Variants in ALX4 observed in about 807,000 individuals in gnomAD.
ALX4 encodes homeobox protein aristaless-like 4.
In ALX4, 22 loss-of-function variants were observed where a neutral mutation model predicts 40.6. The ratio of observed to expected loss-of-function variants is 0.54; its 90% confidence interval spans 0.39 to 0.77. The LOEUF is 0.77. Ranked by LOEUF, ALX4 falls within the 30% of genes least tolerant of loss-of-function variation. The pLI is 0.00. For synonymous variants in ALX4, 266 were observed against 240.5 expected (o/e 1.11, Z -0.98); for missense variants, 556 against 564.8 (o/e 0.98, Z 0.16).
intron 1 of ALX4, among the ~76,000 whole-genome samples, chr11:44,304,675 A>G (rs1433034676): frequency 6.6e-6 from 1 of 152,064 alleles, no homozygotes; most frequent in African/African-American, 2.4e-5. Context: ...ATATATTTCC[A>G]TTTCTTATTT....
chr11:44,295,593 T>C (rs1373319382), intron 1 of ALX4, among the ~76,000 whole-genome samples: 1 of 152,216 alleles, frequency 6.6e-6, no homozygotes, highest in Non-Finnish European at 1.5e-5. Flanking sequence ...TGCCATTCAC[T>C]GGATGGCCTA....
chr11:44,264,678 C>T lies in ALX4; in HGVS notation c.*176G>A, dbSNP rs750475916. ...AGGGAGGGGCCAGGGGCCTGCTGCC[C>T]CCTCCCTCCCAGCAGTCCACGGGGC... is the stretch of plus-strand genomic sequence containing the variant. On this transcript the variant is annotated 3_prime_UTR_variant, in exon 4 of 4. Coordinates refer to ENST00000652299, the MANE Select transcript of ALX4 (RefSeq NM_021926.4). 1 of 701,356 alleles carries T rather than the reference C, an allele frequency of 1.4e-6. No individual in the cohort carries two copies. Among genetic ancestry groups the T allele is most frequent in the Non-Finnish European group, 2.3e-6 (1 of 429,002 alleles). The allele number at this position is 701,356 out of a possible 1,614,324, so 43.4% of individuals were successfully genotyped here. A position where few individuals can be genotyped will look rare whatever the true frequency, so the allele number is the denominator to read the frequency against.
chr11:44,301,091 C>T (rs969675618), intron 1 of ALX4, among the ~76,000 whole-genome samples: 6 of 152,236 alleles, frequency 3.9e-5, no homozygotes, highest in African/African-American at 1.4e-4. Context: ...CAGAGCTTCC[C>T]AGAATACCCC....
rs1415313801 is a variant in ALX4, at chr11:44,309,682, G to T, written c.381C>A (p.Gly127=). The change falls in exon 1 of 4, where the codon GGC becomes GGA. Residue 127 remains glycine, a synonymous_variant. Coordinates refer to ENST00000652299, the MANE Select transcript of ALX4 (RefSeq NM_021926.4). ...TGCCGTCCGGGGGCGTCTTGCAGGC[G>T]CCTCGCTGCAAGTAAAGATGCGGTT... is the stretch of plus-strand genomic sequence containing the variant. ...PAQPHLYLQR[G]ACKTPPDGSL... 3.1e-6 allele frequency: 5 copies of T among 1,590,784 alleles called. No individual in the cohort carries two copies. Among genetic ancestry groups the T allele is most frequent in the South Asian group, 2.3e-5 (2 of 88,850 alleles).
rs1956496216 is a variant in ALX4, at chr11:44,309,787, G to T, written c.276C>A (p.Pro92=). The T allele has an allele frequency of 2.6e-6, 4 of 1,549,596 alleles. No individual in the cohort carries two copies. In the East Asian group the frequency reaches 9.8e-5, roughly 38 times the overall value. Residue 92 remains proline (P), a synonymous_variant, in exon 1 of 4, where the codon CCC becomes CCA. Coordinates refer to ENST00000652299, the MANE Select transcript of ALX4 (RefSeq NM_021926.4). The part of the protein sequence containing the change: ...GARGSFNKFQ[P]QPSTPQPQPP... ...GCTGGGGCTGCGGGGTCGACGGCTG[G>T]GGCTGGAACTTGTTAAAGGAGCCCC...
intron 1 of ALX4, among the ~76,000 whole-genome samples, chr11:44,284,148 A>C (rs1048734006): frequency 2.0e-5 from 3 of 151,904 alleles, no homozygotes; most frequent in African/African-American, 7.2e-5. Flanking sequence ...ATTTGTCCTC[A>C]GAAAATACTA....
At chr11:44,276,857 G>A (rs780850729) in intron 1 of ALX4, among the ~76,000 whole-genome samples, 3 of 152,130 alleles carry the variant, frequency 2.0e-5, no homozygotes, top group African/African-American at 7.2e-5. Flanking sequence ...TAATGGCACC[G>A]CTGATCTGAC....
At chr11:44,305,715 G>A (rs1956462674) in intron 1 of ALX4, among the ~76,000 whole-genome samples, 1 of 152,258 alleles carries the variant, frequency 6.6e-6, no homozygotes. Flanking sequence ...TGGGCCCCTA[G>A]GCGGCACCCC....
At chr11:44,283,710 T>G (rs992183736) in intron 1 of ALX4, among the ~76,000 whole-genome samples, 1 of 152,102 alleles carries the variant, frequency 6.6e-6, no homozygotes, top group African/African-American at 2.4e-5. Context: ...ACTACAGGCA[T>G]GGGCCACCAC....
intron 3 of ALX4, among the ~76,000 whole-genome samples, chr11:44,265,797 G>A (rs190368531): frequency 6.6e-6 from 1 of 152,266 alleles, no homozygotes; most frequent in East Asian, 1.9e-4. Context: ...GGAGTGGACA[G>A]CCAGATCTGA....
At chr11:44,291,511 C>T (rs1021468339) in intron 1 of ALX4, among the ~76,000 whole-genome samples, 15 of 151,806 alleles carry the variant, frequency 9.9e-5, no homozygotes, top group African/African-American at 2.7e-4. Flanking sequence ...TGGGTTCAAG[C>T]GATTCTCCTG....
rs114199390 is a variant in ALX4, at chr11:44,284,595, C to A, written c.467-8937G>T. The stretch of plus-strand genomic sequence containing the variant: ...ATCAGGCTTATGTGGCATTCAGGGT[C>A]CCGAAGGCAGGACTGGTCCCCACCA... On this transcript the variant is annotated intron_variant, in intron 1 of 3. Coordinates refer to ENST00000652299, the MANE Select transcript of ALX4 (RefSeq NM_021926.4). Among the ~76,000 whole-genome samples the A allele has an allele frequency of 6.5e-3, 987 of 152,272 alleles. 10 individuals carry two copies. The highest frequency in any genetic ancestry group is 0.022 in the African/African-American group (908 of 41,558).
At chr11:44,302,899 A>C (rs1956443076) in intron 1 of ALX4, among the ~76,000 whole-genome samples, 1 of 152,244 alleles carries the variant, frequency 6.6e-6, no homozygotes, top group Non-Finnish European at 1.5e-5. Context: ...GACTGCTACC[A>C]GCACAGAAAC....
intron 2 of ALX4, among the ~76,000 whole-genome samples, chr11:44,272,814 AT>A (rs1956256319): frequency 7.1e-6 from 1 of 139,892 alleles, no homozygotes; most frequent in South Asian, 2.1e-4. Flanking sequence ...GTCTCAAAAA[AT>A]AAAAAAATAA....
rs1191152460 is a variant in ALX4, at chr11:44,293,180, CAGGG to C, written c.466+16413_466+16416del. 1.3e-3 allele frequency among the ~76,000 whole-genome samples: 130 copies of C among 103,450 alleles called. 14 individuals are homozygous for C. The highest frequency in any genetic ancestry group is 7.0e-4 in the Admixed American group (7 of 9,970). The allele number at this position is 103,450 out of a possible 152,430, so 67.9% of individuals were successfully genotyped here. A position where few individuals can be genotyped will look rare whatever the true frequency, so the allele number is the denominator to read the frequency against. On this transcript the variant is annotated intron_variant, in intron 1 of 3. Transcript: ENST00000652299. ...GGAAGGAAGGAAGGAAGCAGGCAGG[CAGGG>C]AGGGAGGGAGGGAGGGAGGGAAGGA...
intron 2 of ALX4, among the ~76,000 whole-genome samples, chr11:44,269,516 G>A (rs7948886): frequency 0.13 from 20,265 of 152,224 alleles, 1,435 homozygotes; most frequent in African/African-American, 0.18. Flanking sequence ...ATGTGTGTGC[G>A]TGCACGAGTG....
At chr11:44,276,159 G>A (rs773592934) in intron 1 of ALX4, among the ~76,000 whole-genome samples, 1 of 152,186 alleles carries the variant, frequency 6.6e-6, no homozygotes, top group Non-Finnish European at 1.5e-5. Flanking sequence ...TCCTTTCCTG[G>A]CCTAGTCCCA....
At chr11:44,293,686 C>T (rs1430638466) in intron 1 of ALX4, among the ~76,000 whole-genome samples, 1 of 152,228 alleles carries the variant, frequency 6.6e-6, no homozygotes, top group Non-Finnish European at 1.5e-5. Context: ...GGAGGCCTGG[C>T]CCTCACTGTC....
At position 44,275,467 on chromosome 11, in the gene ALX4, T is replaced by A; in HGVS notation, c.658A>T (p.Thr220Ser). 1.2e-6 allele frequency: 2 copies of A among 1,613,970 alleles called. No homozygotes were observed. Among genetic ancestry groups the A allele is most frequent in the Non-Finnish European group, 1.7e-6 (2 of 1,179,858 alleles). The change falls in exon 2 of 4, where the codon ACC becomes TCC. Residue 220 changes from threonine (T) to serine (S), a missense_variant. By Grantham distance (58) the Thr-to-Ser change is moderately conservative. Coordinates refer to ENST00000652299, the MANE Select transcript of ALX4 (RefSeq NM_021926.4). ...NKGKKRRNRT[T>S]FTSYQLEELE... ...TCCTCCAGCTGGTAGCTGGTGAAGGTGGTCCGGTTCCGCCGCTTCTTGCCC... is the reference window on the plus strand; with the variant it reads ...TCCTCCAGCTGGTAGCTGGTGAAGGAGGTCCGGTTCCGCCGCTTCTTGCCC...
Sources: allele counts gnomAD v4.1 joint callset (sites outside exome capture counted in the v4.1 genomes callset), GRCh38; gene constraint gnomAD v4.1.1; transcripts MANE v1.5; gene names NCBI Gene and HGNC (gene_info 2026-07-23, HGNC 2026-07-21).